Variants in B3GALT1 observed in about 807,000 individuals in gnomAD.
B3GALT1 encodes beta-1,3-galactosyltransferase 1.
B3GALT1 carries 10 observed loss-of-function variants against 23.2 expected under a neutral mutation model. The observed-to-expected ratio is 0.43, with a 90% CI of 0.27 to 0.73. B3GALT1 has a LOEUF of 0.73. B3GALT1 is among the 30% of genes least tolerant of loss of function. The pLI, the probability that B3GALT1 is intolerant of heterozygous loss-of-function variation, is 0.21. For synonymous variants in B3GALT1, 156 were observed against 141.5 expected (o/e 1.10, Z -0.73); for missense variants, 299 against 405.4 (o/e 0.74, Z 2.25).
At chr2:167,611,390 C>G (rs548532571) in intron 2 of B3GALT1, among the ~76,000 whole-genome samples, 1 of 151,922 alleles carries the variant, frequency 6.6e-6, no homozygotes, top group African/African-American at 2.4e-5. Flanking sequence ...TGGAGGTTAC[C>G]TGGAGCCCTT....
chr2:167,747,810 G>T (rs1367932471), intron 3 of B3GALT1, among the ~76,000 whole-genome samples: 1 of 152,128 alleles, frequency 6.6e-6, no homozygotes, highest in Non-Finnish European at 1.5e-5. Context: ...CGTCAGAATG[G>T]GCTAGAGGTT....
intron 2 of B3GALT1, among the ~76,000 whole-genome samples, chr2:167,582,474 G>A (rs1338422592): frequency 6.6e-6 from 1 of 152,178 alleles, no homozygotes; most frequent in African/African-American, 2.4e-5. Flanking sequence ...TCTTTCACTA[G>A]CTTCCACACA....
chr2:167,747,262 C>G (rs1574242553), intron 3 of B3GALT1, among the ~76,000 whole-genome samples: 2 of 152,158 alleles, frequency 1.3e-5, no homozygotes, highest in Non-Finnish European at 2.9e-5. Context: ...TTGATGCCAC[C>G]TTTGAAGACT....
At chr2:167,586,923 G>A (rs530224313) in intron 2 of B3GALT1, among the ~76,000 whole-genome samples, 1 of 152,272 alleles carries the variant, frequency 6.6e-6, no homozygotes, top group South Asian at 2.1e-4. Flanking sequence ...AGAAAGAAGA[G>A]TCAGGAAATG....
intron 3 of B3GALT1, among the ~76,000 whole-genome samples, chr2:167,651,187 C>T (rs1474051980): frequency 6.6e-6 from 1 of 151,434 alleles, no homozygotes; most frequent in Non-Finnish European, 1.5e-5. Flanking sequence ...AGAAATTCTG[C>T]AGCACCTTTG....
chr2:167,352,593 T>C lies in B3GALT1; in HGVS notation c.-511+59259T>C, dbSNP rs938488012. On this transcript the variant is annotated intron_variant, in intron 1 of 4. Transcript: ENST00000392690. The stretch of plus-strand genomic sequence containing the variant: ...AAAAAATGCTGGGCGTGGTGGCGGG[T>C]GCCTGTAGTTCCAGCTACTCGGGAG... Among the ~76,000 whole-genome samples the C allele has an allele frequency of 1.3e-4, 19 of 142,296 alleles. No homozygotes were observed. The East Asian group carries it at 2.3e-3, about 17-fold the overall frequency. 93.4% of individuals were successfully genotyped at this position (142,296 alleles called of 152,430 possible).
chr2:167,450,306 C>T (rs982553114), intron 1 of B3GALT1, among the ~76,000 whole-genome samples: 1 of 151,452 alleles, frequency 6.6e-6, no homozygotes, highest in Non-Finnish European at 1.5e-5. Flanking sequence ...TCTGTTTATT[C>T]CTGGTTTAAT....
intron 1 of B3GALT1, among the ~76,000 whole-genome samples, chr2:167,381,891 A>G (rs1297068275): frequency 6.6e-6 from 1 of 152,158 alleles, no homozygotes; most frequent in Non-Finnish European, 1.5e-5. Flanking sequence ...TGATCAGTTT[A>G]TCTTTCTTTT....
intron 3 of B3GALT1, among the ~76,000 whole-genome samples, chr2:167,659,029 T>C (rs142307945): frequency 4.8e-4 from 73 of 152,220 alleles, no homozygotes; most frequent in African/African-American, 1.7e-3. Context: ...TTGCCACTTT[T>C]CTTATTTTAG....
chr2:167,343,293 A>T (rs548986352), intron 1 of B3GALT1, among the ~76,000 whole-genome samples: 1 of 152,302 alleles, frequency 6.6e-6, no homozygotes, highest in Admixed American at 6.5e-5. Context: ...TTGACACTTA[A>T]ATTTTAGGAA....
At chr2:167,632,269 C>A (rs1685461942) in intron 2 of B3GALT1, among the ~76,000 whole-genome samples, 1 of 152,026 alleles carries the variant, frequency 6.6e-6, no homozygotes, top group African/African-American at 2.4e-5. Context: ...TTGCATGTGT[C>A]TTTATAATAG....
chr2:167,614,490 A>T (rs1301193937), intron 2 of B3GALT1, among the ~76,000 whole-genome samples: 1 of 151,936 alleles, frequency 6.6e-6, no homozygotes, highest in East Asian at 1.9e-4. Flanking sequence ...ACATCTTAGT[A>T]GAATTTTGAG....
intron 1 of B3GALT1, among the ~76,000 whole-genome samples, chr2:167,350,277 A>G (rs1382237142): frequency 6.6e-6 from 1 of 152,214 alleles, no homozygotes; most frequent in African/African-American, 2.4e-5. Flanking sequence ...AGATGAAGAT[A>G]ATAGCACATA....
rs202186659 is a variant in B3GALT1, at chr2:167,760,439, T to TCA, written c.-351-58230_-351-58229dup. ...TTTTGATGAATGAAGACGCCGGATG[T>TCA]CACAGCAGCAATCGTCCTCTGTAAT... On this transcript the variant is annotated intron_variant, in intron 3 of 4. Coordinates refer to ENST00000392690, the MANE Select transcript of B3GALT1 (RefSeq NM_020981.4). Among the ~76,000 whole-genome samples, 122 of 152,264 alleles carry TCA rather than the reference T, an allele frequency of 8.0e-4. 2 individuals carry two copies. In the East Asian group the frequency reaches 0.018, roughly 23 times the overall value.
chr2:167,494,191 G>A (rs190555393), intron 2 of B3GALT1, among the ~76,000 whole-genome samples: 123 of 152,002 alleles, frequency 8.1e-4, no homozygotes, highest in Non-Finnish European at 1.5e-3. Flanking sequence ...TAAGATTACA[G>A]CATTTTTAAA....
intron 3 of B3GALT1, among the ~76,000 whole-genome samples, chr2:167,647,698 T>C (rs1372035887): frequency 2.0e-5 from 3 of 152,182 alleles, no homozygotes. Context: ...AGTGGACTTA[T>C]TGTTCATGCC....
intron 2 of B3GALT1, among the ~76,000 whole-genome samples, chr2:167,601,580 A>C (rs1336290217): frequency 3.3e-5 from 5 of 152,234 alleles, no homozygotes; most frequent in Admixed American, 3.3e-4. Context: ...TGACCACTTT[A>C]CAACCATATG....
At chr2:167,374,835 A>C (rs1353672409) in intron 1 of B3GALT1, among the ~76,000 whole-genome samples, 1 of 151,954 alleles carries the variant, frequency 6.6e-6, no homozygotes, top group Non-Finnish European at 1.5e-5. Flanking sequence ...GTGTAGGAGC[A>C]CTTTAGTTTA....
At chr2:167,828,463 C>T (rs1689274756) in intron 4 of B3GALT1, among the ~76,000 whole-genome samples, 1 of 152,168 alleles carries the variant, frequency 6.6e-6, no homozygotes, top group African/African-American at 2.4e-5. Flanking sequence ...TGGATGGGAA[C>T]CTACCAGTGT....
Sources: gnomAD v4.1 joint callset for allele counts (sites outside exome capture counted in the v4.1 genomes callset) on GRCh38, gnomAD v4.1.1 for gene constraint, MANE v1.5 for transcripts, NCBI Gene and HGNC (gene_info 2026-07-23, HGNC 2026-07-21) for gene names.